The following ACTR6 variants were observed in gnomAD, a reference collection of about 807,000 sequenced individuals.
ACTR6 encodes the protein actin related protein 6.
A neutral mutation model predicts 52.5 loss-of-function variants in ACTR6; 50 were observed. The observed-to-expected ratio is 0.95, with a 90% confidence interval of 0.76 to 1.20. The LOEUF (loss-of-function observed/expected upper bound fraction) is 1.20. Ranked by LOEUF, ACTR6 falls within the 50% of genes most tolerant of loss-of-function variation. The probability of loss-of-function intolerance (pLI) is 0.00; values close to 1 mark genes in which losing one functional copy is unlikely to be tolerated. For missense variants in ACTR6, 344 were observed against 472.4 expected (o/e 0.73, Z 2.52); for synonymous variants, 135 against 147.2 (o/e 0.92, Z 0.60).
intron 10 of ACTR6, among the ~76,000 whole-genome samples, chr12:100,222,004 T>C (rs546621895): frequency 1.3e-5 from 2 of 151,870 alleles, no homozygotes; most frequent in East Asian, 3.9e-4. Context: ...GCTCAGGCTG[T>C]AGTGCAGTGG....
intron 6 of ACTR6, among the ~76,000 whole-genome samples, chr12:100,210,713 C>T (rs374841268): frequency 3.3e-4 from 49 of 149,498 alleles, no homozygotes; most frequent in African/African-American, 1.1e-3. Context: ...GTGAGACTCT[C>T]TCTCTCTCAA....
At position 100,220,089 on chromosome 12, in the gene ACTR6, C is replaced by G; in HGVS notation, c.1004C>G (p.Ser335Ter). The change falls in exon 10 of 11, where the codon TCA becomes TGA. Residue 335 changes from serine (S) to a stop codon, truncating the protein, a stop_gained. Transcript: ENST00000188312. LOFTEE classifies it high-confidence loss of function. ...LFPGFRDRVY[S>*]EVRCLTPTDY... Reference sequence around the variant, plus strand: ...CCAGGATTTAGGGATCGGGTTTACTCAGAAGTTCGATGTCTTACTCCAACA... The same window carrying G: ...CCAGGATTTAGGGATCGGGTTTACTGAGAAGTTCGATGTCTTACTCCAACA... 6.2e-7 allele frequency: 1 copy of G among 1,613,836 alleles called. No homozygotes were observed. The highest frequency in any genetic ancestry group is 8.5e-7 in the Non-Finnish European group (1 of 1,179,916).
intron 4 of ACTR6, among the ~76,000 whole-genome samples, chr12:100,208,449 A>G (rs558931877): frequency 2.6e-5 from 4 of 151,250 alleles, no homozygotes; most frequent in South Asian, 4.2e-4. Context: ...CTAATTTTGT[A>G]TTTTTAGTAG....
chr12:100,201,465 TG>T (rs1336978315), intron 1 of ACTR6, among the ~76,000 whole-genome samples: 1 of 152,222 alleles, frequency 6.6e-6, no homozygotes, highest in Non-Finnish European at 1.5e-5. Context: ...AATATATGTT[TG>T]AATAAATAAG....
At chr12:100,220,950 G>C (rs1395257939) in intron 10 of ACTR6, among the ~76,000 whole-genome samples, 1 of 150,432 alleles carries the variant, frequency 6.6e-6, no homozygotes, top group African/African-American at 2.5e-5. Flanking sequence ...TTGCACCACT[G>C]TATGGTAGCC....
chr12:100,219,846 C>T (rs1195913197), intron 9 of ACTR6, among the ~76,000 whole-genome samples, 162 bp from the exon 10 acceptor site: 1 of 152,162 alleles, frequency 6.6e-6, no homozygotes, highest in African/African-American at 2.4e-5. Context: ...ACTGTAACCT[C>T]ATTACAAATC....
chr12:100,201,479 A>G (rs1433793800), intron 1 of ACTR6, among the ~76,000 whole-genome samples: 2 of 152,246 alleles, frequency 1.3e-5, no homozygotes, highest in Non-Finnish European at 2.9e-5. Flanking sequence ...TAAATAAGCA[A>G]ACCTAAAGAC....
intron 8 of ACTR6, among the ~76,000 whole-genome samples, chr12:100,212,965 C>G (rs1416242894): frequency 7.4e-6 from 1 of 135,348 alleles, no homozygotes; most frequent in African/African-American, 2.9e-5. Flanking sequence ...TGAGATCACA[C>G]TATTGCACTC....
chr12:100,214,524 G>C (rs532188123), intron 8 of ACTR6, among the ~76,000 whole-genome samples: 45 of 146,080 alleles, frequency 3.1e-4, no homozygotes, highest in African/African-American at 1.1e-3. Context: ...AGGATTGTTT[G>C]AGACCAGCCT....
intron 6 of ACTR6, 134 bp downstream of exon 6, chr12:100,210,485 G>A (rs1273619599): frequency 8.6e-6 from 8 of 927,338 alleles, no homozygotes; most frequent in South Asian, 4.9e-5. Context: ...TTGGGAGGCC[G>A]AGGTGGGTGC....
At chr12:100,215,943 G>A (rs999702251) in intron 8 of ACTR6, among the ~76,000 whole-genome samples, 3 of 152,026 alleles carry the variant, frequency 2.0e-5, no homozygotes, top group African/African-American at 7.2e-5. Context: ...AGCACTAATG[G>A]TAGTAACAAT....
Position 100,207,649 on chromosome 12 carries a change from G to T in ACTR6, c.256-14G>T. ...TACAAATTATGAAACATTTTGGAAT[G>T]TTTTCTCCTATAGGTTGATTTTTTA... On this transcript the variant is annotated splice_polypyrimidine_tract_variant and intron_variant, in intron 3 of 10. Coordinates refer to ENST00000188312, the MANE Select transcript of ACTR6 (RefSeq NM_022496.5). The T allele has an allele frequency of 7.0e-7, 1 of 1,436,996 alleles. No individual in the cohort carries two copies. The highest frequency in any genetic ancestry group is 9.4e-7 in the Non-Finnish European group (1 of 1,069,144). 89.0% of individuals were successfully genotyped at this position (1,436,996 alleles called of 1,614,324 possible). A position where few individuals can be genotyped will look rare whatever the true frequency, so the allele number is the denominator to read the frequency against.
At chr12:100,220,189 T>C in intron 10 of ACTR6, 43 bp downstream of exon 10, 1 of 1,570,180 alleles carries the variant, frequency 6.4e-7, no homozygotes, top group Non-Finnish European at 8.7e-7. Context: ...GAAGTCCACA[T>C]GTAGAAAAGG....
chr12:100,205,542 C>A, intron 2 of ACTR6, 134 bp from the exon 3 acceptor site: 1 of 559,718 alleles, frequency 1.8e-6, no homozygotes, highest in Non-Finnish European at 2.9e-6. Flanking sequence ...CAGCATTACA[C>A]TGGAAATGGT....
At chr12:100,206,215 A>G (rs1650150271) in intron 3 of ACTR6, 1 of 152,212 alleles carries the variant, frequency 6.6e-6, no homozygotes, top group Non-Finnish European at 1.5e-5. Flanking sequence ...GCAGTGGCTC[A>G]TGCCTGTAAT....
At chr12:100,221,699 G>C (rs188219424) in intron 10 of ACTR6, 12 of 152,164 alleles carry the variant, frequency 7.9e-5, no homozygotes, top group Admixed American at 2.0e-4. Flanking sequence ...GGTGGCCAAG[G>C]TAGGGAGATG....
chr12:100,222,300 C>A (rs886657996), intron 10 of ACTR6, among the ~76,000 whole-genome samples: 1 of 148,554 alleles, frequency 6.7e-6, no homozygotes, highest in South Asian at 2.2e-4. Flanking sequence ...GCTCTGTTAC[C>A]AGGCTGGAGT....
intron 10 of ACTR6, among the ~76,000 whole-genome samples, chr12:100,222,679 G>T (rs1361080008): frequency 3.3e-5 from 5 of 152,120 alleles, no homozygotes; most frequent in Admixed American, 2.6e-4. Flanking sequence ...AGGACTACAG[G>T]TATATGCCAT....
intron 6 of ACTR6, among the ~76,000 whole-genome samples, chr12:100,212,009 C>A (rs1405669939): frequency 6.6e-6 from 1 of 152,000 alleles, no homozygotes; most frequent in Admixed American, 6.6e-5. Context: ...TAGATAAACC[C>A]CACTTAACAT....
Sources: gnomAD v4.1 joint callset for allele counts (sites outside exome capture counted in the v4.1 genomes callset) on GRCh38, gnomAD v4.1.1 for gene constraint, MANE v1.5 for transcripts, NCBI Gene and HGNC (gene_info 2026-07-23, HGNC 2026-07-21) for gene names.